TIAM1: variants seen among roughly 807,000 people sequenced by gnomAD.
The protein encoded by TIAM1 is TIAM Rac1 associated GEF 1.
TIAM1 carries 65 observed loss-of-function variants against 163.5 expected under a neutral mutation model. The observed-to-expected ratio is 0.40, with a 90% CI of 0.33 to 0.49. The LOEUF is 0.49. Among genes scored for constraint, TIAM1 ranks in the 20% least tolerant of loss-of-function variants. The pLI is 0.77. For synonymous variants in TIAM1, 833 were observed against 810.1 expected (o/e 1.03, Z -0.48); for missense variants, 1,789 against 2,044.7 (o/e 0.87, Z 2.41).
Position 31,130,889 on chromosome 21 carries a change from C to T in TIAM1, c.3942+1G>A, listed in dbSNP as rs757532398. The T allele has an allele frequency of 6.2e-7, 1 of 1,613,762 alleles. No individual in the cohort carries two copies. The highest frequency in any genetic ancestry group is 1.1e-5 in the South Asian group (1 of 91,062). On this transcript the variant is annotated splice_donor_variant, in intron 24 of 27. Transcript: ENST00000541036. LOFTEE classifies it high-confidence loss of function. ...CCATGGGGTAACATAAGATGTCTTACAAGTTTCTTCTTCTGTTTGGAACCA... is the reference window on the plus strand; with the variant it reads ...CCATGGGGTAACATAAGATGTCTTATAAGTTTCTTCTTCTGTTTGGAACCA...
rs187475114 is a variant in TIAM1 at position 31,182,596 on chromosome 21, G to A, written c.2712C>T (p.Asp904=). The change falls in exon 15 of 28, where the codon GAC becomes GAT. Residue 904 remains aspartate (D), a synonymous_variant. Coordinates refer to ENST00000541036, the MANE Select transcript of TIAM1 (RefSeq NM_001353694.2). ...EILEINNRAA[D]ALNSSMLKDF... ...CTTTGAGCATAGAAGAGTTCAGGGC[G>A]TCAGCAGCACGATTATTGATCTCAA... 4.1e-5 allele frequency: 66 copies of A among 1,613,872 alleles called. No individual in the cohort carries two copies. The highest frequency in any genetic ancestry group is 1.7e-4 in the Middle Eastern group (1 of 6,060).
intron 2 of TIAM1, among the ~76,000 whole-genome samples, chr21:31,333,506 T>C: frequency 6.6e-6 from 1 of 152,160 alleles, no homozygotes; most frequent in Non-Finnish European, 1.5e-5. Flanking sequence ...GGCGCAAACA[T>C]GGCTCACTGC....
intron 1 of TIAM1, among the ~76,000 whole-genome samples, chr21:31,547,993 TTTC>T (rs1285999502): frequency 1.2e-4 from 18 of 152,270 alleles, no homozygotes; most frequent in Non-Finnish European, 1.5e-5. Flanking sequence ...GAAGATACAC[TTTC>T]TTAATTTAAT....
chr21:31,275,449 T>C (rs2073256145), intron 3 of TIAM1, among the ~76,000 whole-genome samples: 1 of 152,148 alleles, frequency 6.6e-6, no homozygotes, highest in Non-Finnish European at 1.5e-5. Context: ...CTAAAACAGA[T>C]GGCCTGGAAA....
chr21:31,459,090 G>A (rs1248278503), intron 2 of TIAM1, among the ~76,000 whole-genome samples: 2 of 150,988 alleles, frequency 1.3e-5, no homozygotes, highest in African/African-American at 2.4e-5. Context: ...AAGTTCAACC[G>A]GAGGAGTAAG....
rs375355917 is a variant in TIAM1, at chr21:31,395,106, C to T, written c.-368-55684G>A. Among the ~76,000 whole-genome samples, 64 of 152,148 alleles carry T rather than the reference C, an allele frequency of 4.2e-4. No homozygotes were observed. The East Asian group carries it at 7.0e-3, about 17-fold the overall frequency. ...TACAAACATTAGCCAGGCATGGTGG[C>T]GCGTGCCTGTAGTCCCAGCTACTTG... On this transcript the variant is annotated intron_variant, in intron 2 of 28. Transcript: ENST00000286827. The surrounding 1 kb of genome is among the most constrained non-coding windows in gnomAD (Gnocchi z 7.5).
At chr21:31,261,262 C>CTTTTT (rs397792273) in intron 4 of TIAM1, among the ~76,000 whole-genome samples, 3 of 136,892 alleles carry the variant, frequency 2.2e-5, no homozygotes, top group Admixed American at 7.3e-5. Flanking sequence ...CAGCCAAGTC[C>CTTTTT]TTTTTTTTTT....
At chr21:31,245,005 C>A (rs1431330644) in intron 6 of TIAM1, among the ~76,000 whole-genome samples, 5 of 151,982 alleles carry the variant, frequency 3.3e-5, no homozygotes, top group Non-Finnish European at 5.9e-5. Flanking sequence ...GTAGAAAGTT[C>A]TGATCAGATG....
At chr21:31,497,495 AT>A (rs1382460469) in intron 1 of TIAM1, among the ~76,000 whole-genome samples, 1 of 152,224 alleles carries the variant, frequency 6.6e-6, no homozygotes, top group Non-Finnish European at 1.5e-5. Flanking sequence ...TTTGGATGTT[AT>A]ATCCGTAATG....
chr21:31,476,213 CA>C lies in TIAM1; in HGVS notation c.-421-12179del, dbSNP rs143849293. ...TAAAAATTGATTAGCCAATTAAACTCAATGATTCTCAACAATGAAATGTGCA... is the reference window on the plus strand; with the variant it reads ...TAAAAATTGATTAGCCAATTAAACTCATGATTCTCAACAATGAAATGTGCA... On this transcript the variant is annotated intron_variant, in intron 1 of 28. Coordinates refer to the TIAM1 transcript ENST00000286827. 3.9e-4 allele frequency among the ~76,000 whole-genome samples: 60 copies of C among 152,306 alleles called. No individual in the cohort carries two copies. The East Asian group carries it at 0.012, about 29-fold the overall frequency.
intron 1 of TIAM1, among the ~76,000 whole-genome samples, chr21:31,512,803 G>GT (rs951606999): frequency 2.6e-5 from 4 of 151,290 alleles, no homozygotes; most frequent in Admixed American, 6.6e-5. Flanking sequence ...TTGTTTGTTT[G>GT]TTTGTTTGTT....
intron 2 of TIAM1, among the ~76,000 whole-genome samples, chr21:31,402,890 T>C (rs2077189338): frequency 6.6e-6 from 1 of 152,052 alleles, no homozygotes; most frequent in Non-Finnish European, 1.5e-5. Flanking sequence ...AGGCAGAGCT[T>C]GCAGTAAGCC....
intron 2 of TIAM1, among the ~76,000 whole-genome samples, chr21:31,360,927 C>A (rs944924257): frequency 2.0e-5 from 3 of 152,112 alleles, no homozygotes; most frequent in Non-Finnish European, 4.4e-5. Context: ...GGGCATAATG[C>A]AAGAGGAACT....
rs576950205 is a variant in TIAM1 at position 31,387,918 on chromosome 21, G to A, written c.-368-48496C>T. Among the ~76,000 whole-genome samples, 7 of 152,042 alleles carry A rather than the reference G, an allele frequency of 4.6e-5. No individual in the cohort carries two copies. In the East Asian group the frequency reaches 5.8e-4, roughly 13 times the overall value. ...AGAGCCTGGTTCCTGCTGCAAGCAC[G>A]CAGGCTGCCCGAGCACGACTTCTGT... On this transcript the variant is annotated intron_variant, in intron 2 of 28. Transcript: ENST00000286827.
At chr21:31,233,772 C>G (rs2088572929) in intron 6 of TIAM1, among the ~76,000 whole-genome samples, 1 of 152,214 alleles carries the variant, frequency 6.6e-6, no homozygotes, top group African/African-American at 2.4e-5. Flanking sequence ...ATGGATCCCT[C>G]TCACCCTCAC....
intron 2 of TIAM1, among the ~76,000 whole-genome samples, chr21:31,355,794 T>C (rs1243976893): frequency 1.3e-5 from 2 of 149,350 alleles, no homozygotes; most frequent in African/African-American, 5.0e-5. Flanking sequence ...TCAAGTGATC[T>C]GCCCGCCTCG....
At chr21:31,297,461 C>T (rs1432476758) in intron 2 of TIAM1, among the ~76,000 whole-genome samples, 3 of 152,232 alleles carry the variant, frequency 2.0e-5, no homozygotes, top group Admixed American at 2.0e-4. Flanking sequence ...ATGGCGAGAT[C>T]TCGGCTCACT....
rs1212140154 is a variant in TIAM1 at position 31,223,399 on chromosome 21, T to C, written c.1995+7A>G. ...TGTTTTTCAAAAATTCATTAGCTTC[T>C]ACTCACCAGGGCATGAAACGATGAT... is the stretch of plus-strand genomic sequence containing the variant. On this transcript the variant is annotated splice_region_variant and intron_variant, in intron 8 of 27. Coordinates refer to ENST00000541036, the MANE Select transcript of TIAM1 (RefSeq NM_001353694.2). 1.1e-5 allele frequency: 17 copies of C among 1,602,210 alleles called. No homozygotes were observed. Among genetic ancestry groups the C allele is most frequent in the Non-Finnish European group, 1.4e-5 (17 of 1,173,612 alleles).
At chr21:31,169,018 C>T (rs1182121295) in intron 15 of TIAM1, among the ~76,000 whole-genome samples, 1 of 152,184 alleles carries the variant, frequency 6.6e-6, no homozygotes, top group Non-Finnish European at 1.5e-5. Flanking sequence ...GGGGGCTGAA[C>T]ACGGTGGCTC....
Sources: allele counts gnomAD v4.1 joint callset (sites outside exome capture counted in the v4.1 genomes callset), GRCh38; gene constraint gnomAD v4.1.1; non-coding constraint Gnocchi (gnomAD v3.1); transcripts MANE v1.5; gene names NCBI Gene and HGNC (gene_info 2026-07-23, HGNC 2026-07-21).